The following MACROD2 variants were observed in gnomAD, a reference collection of about 807,000 sequenced individuals.
MACROD2 encodes ADP-ribose glycohydrolase MACROD2.
A neutral mutation model predicts 70.4 loss-of-function variants in MACROD2; 36 were observed. That is an observed-to-expected ratio of 0.51 (90% CI 0.39 to 0.68). MACROD2 has a LOEUF of 0.68. Among genes scored for constraint, MACROD2 ranks in the 30% least tolerant of loss-of-function variants. The pLI is 0.00. For missense variants in MACROD2, 496 were observed against 538.4 expected, an observed-to-expected ratio of 0.92 and a Z score of 0.78; for synonymous variants, 172 against 178.8, an observed-to-expected ratio of 0.96 and a Z score of 0.30.
intron 5 of MACROD2, among the ~76,000 whole-genome samples, chr20:15,203,483 T>C (rs1447456341): frequency 6.6e-6 from 1 of 152,150 alleles, no homozygotes; most frequent in African/African-American, 2.4e-5. Context: ...CATCAGATGA[T>C]AAATTGAGCA....
chr20:15,242,564 A>G (rs996939838), intron 6 of MACROD2, among the ~76,000 whole-genome samples: 27 of 152,152 alleles, frequency 1.8e-4, no homozygotes, highest in Admixed American at 1.4e-3. Flanking sequence ...CTCTTCTTCT[A>G]TTTTTTGAGA....
chr20:14,595,776 T>A (rs1193455545), intron 4 of MACROD2, among the ~76,000 whole-genome samples: 3 of 152,222 alleles, frequency 2.0e-5, no homozygotes, highest in Admixed American at 2.0e-4. Flanking sequence ...GCTGACTAGC[T>A]GTTAAAATAC....
intron 4 of MACROD2, among the ~76,000 whole-genome samples, chr20:14,520,696 C>G (rs964254525): frequency 6.6e-6 from 1 of 152,170 alleles, no homozygotes; most frequent in African/African-American, 2.4e-5. Flanking sequence ...GTAAACTTTC[C>G]TGACTTCCCC....
At chr20:15,294,436 C>A (rs1009979690) in intron 6 of MACROD2, among the ~76,000 whole-genome samples, 7 of 152,198 alleles carry the variant, frequency 4.6e-5, no homozygotes, top group African/African-American at 1.7e-4. Context: ...CTAAACCTCC[C>A]GTTTTCTTTA....
At chr20:14,859,304 G>A (rs1351128824) in intron 5 of MACROD2, among the ~76,000 whole-genome samples, 3 of 152,094 alleles carry the variant, frequency 2.0e-5, no homozygotes, top group Non-Finnish European at 2.9e-5. Flanking sequence ...TATAGAAAGT[G>A]TTCTATTTAA....
intron 3 of MACROD2, among the ~76,000 whole-genome samples, chr20:14,356,834 C>T (rs1395896522): frequency 2.0e-5 from 3 of 152,116 alleles, no homozygotes; most frequent in Non-Finnish European, 2.9e-5. Flanking sequence ...AGACCTCACG[C>T]ACGGCTGGCA....
At chr20:15,464,576 A>C (rs2046860809) in intron 7 of MACROD2, among the ~76,000 whole-genome samples, 1 of 152,082 alleles carries the variant, frequency 6.6e-6, no homozygotes, top group South Asian at 2.1e-4. Context: ...TTATATGTTA[A>C]CCATTCTTGG....
chr20:14,693,881 A>G (rs2071090393), intron 5 of MACROD2, among the ~76,000 whole-genome samples: 1 of 152,174 alleles, frequency 6.6e-6, no homozygotes. Context: ...TAATACTGTC[A>G]GATAAGAGAG....
At chr20:15,910,966 A>C (rs2065228041) in intron 10 of MACROD2, among the ~76,000 whole-genome samples, 1 of 152,170 alleles carries the variant, frequency 6.6e-6, no homozygotes. Flanking sequence ...GCTCTATTTC[A>C]TATTCTCACC....
chr20:16,029,453 T>C (rs2067123376), intron 15 of MACROD2, among the ~76,000 whole-genome samples: 1 of 151,976 alleles, frequency 6.6e-6, no homozygotes, highest in Non-Finnish European at 1.5e-5. Flanking sequence ...AAAACCTTAC[T>C]CTCCTCCAAA....
intron 3 of MACROD2, among the ~76,000 whole-genome samples, chr20:14,473,823 C>T (rs1273544031): frequency 2.6e-5 from 4 of 152,034 alleles, no homozygotes; most frequent in Non-Finnish European, 4.4e-5. Context: ...TATCTTTTGT[C>T]TTTTTAATGA....
intron 8 of MACROD2, among the ~76,000 whole-genome samples, chr20:15,703,959 T>C (rs1441882062): frequency 6.6e-6 from 1 of 152,198 alleles, no homozygotes; most frequent in Non-Finnish European, 1.5e-5. Flanking sequence ...CACTCTATTA[T>C]TTCAGCAATA....
At chr20:16,038,744 G>T (rs1183156919) in intron 15 of MACROD2, among the ~76,000 whole-genome samples, 1 of 151,806 alleles carries the variant, frequency 6.6e-6, no homozygotes, top group East Asian at 1.9e-4. Context: ...ACTTGTTCTT[G>T]TTCCTCTGAA....
chr20:15,000,599 C>T (rs1240941455), intron 5 of MACROD2, among the ~76,000 whole-genome samples: 4 of 104,330 alleles, frequency 3.8e-5, no homozygotes, highest in African/African-American at 9.3e-5. Flanking sequence ...GTCCGCAGTC[C>T]GGCCTGGGCG....
At chr20:14,617,970 C>T (rs145317908) in intron 4 of MACROD2, among the ~76,000 whole-genome samples, 1 of 152,218 alleles carries the variant, frequency 6.6e-6, no homozygotes, top group African/African-American at 2.4e-5. Context: ...AGGAAGGTTT[C>T]TTCAATCTCT....
At position 15,020,285 on chromosome 20, in the gene MACROD2, T is replaced by C. The variant is rs543996291; in HGVS notation, c.419-209655T>C. On this transcript the variant is annotated intron_variant, in intron 5 of 17. Transcript: ENST00000684519. Reference sequence around the variant, plus strand: ...TCAAAATTTTTTCCTGGGATACTTCTATCTATACTTTAAGAATTATAGATA... The same window carrying C: ...TCAAAATTTTTTCCTGGGATACTTCCATCTATACTTTAAGAATTATAGATA... Among the ~76,000 whole-genome samples the C allele has an allele frequency of 5.9e-5, 9 of 152,326 alleles. No individual in the cohort carries two copies. The South Asian group carries it at 1.9e-3, about 32-fold the overall frequency.
intron 3 of MACROD2, among the ~76,000 whole-genome samples, chr20:14,159,667 A>G (rs1465261052): frequency 1.3e-5 from 2 of 152,186 alleles, no homozygotes; most frequent in Non-Finnish European, 2.9e-5. Context: ...TATCATAGGC[A>G]GAGAGGGGCA....
intron 6 of MACROD2, among the ~76,000 whole-genome samples, chr20:15,261,541 C>T (rs1302367923): frequency 6.6e-6 from 1 of 151,872 alleles, no homozygotes; most frequent in African/African-American, 2.4e-5. Context: ...CAAATCAATC[C>T]TGAACAATTT....
At chr20:16,015,858 A>G (rs538009917) in intron 15 of MACROD2, among the ~76,000 whole-genome samples, 2 of 152,158 alleles carry the variant, frequency 1.3e-5, no homozygotes, top group African/African-American at 4.8e-5. Context: ...TTGTATGTTA[A>G]TATTCTTTGT....
Sources: gnomAD v4.1 joint callset for allele counts (sites outside exome capture counted in the v4.1 genomes callset) on GRCh38, gnomAD v4.1.1 for gene constraint, MANE v1.5 for transcripts, NCBI Gene and HGNC (gene_info 2026-07-23, HGNC 2026-07-21) for gene names.